The following LRR1 variants were observed in gnomAD, a reference collection of about 807,000 sequenced individuals.
LRR1 encodes the protein leucine rich repeat protein 1, also known as leucine-rich repeat protein 1.
Under a neutral mutation model 31.6 loss-of-function variants are expected in LRR1, and 29 were observed. That is an observed-to-expected ratio of 0.92 (90% confidence interval 0.68 to 1.25). LRR1 has a LOEUF of 1.25. LRR1 is among the 50% of genes most tolerant of loss of function. The pLI is 0.00. For missense variants in LRR1, 485 were observed against 487.2 expected (o/e 1.00, Z 0.04); for synonymous variants, 179 against 181.4 (o/e 0.99, Z 0.10).
intron 2 of LRR1, chr14:49,603,532 T>TCA: frequency 4.3e-6 from 1 of 232,840 alleles, no homozygotes; most frequent in South Asian, 6.1e-5. Context: ...TCTTTTTTTT[T>TCA]TTTTTTTTTT....
intron 3 of LRR1, among the ~76,000 whole-genome samples, chr14:49,610,630 T>G (rs1269529628): frequency 6.7e-6 from 1 of 149,568 alleles, no homozygotes; most frequent in Non-Finnish European, 1.5e-5. Flanking sequence ...TGGCGTGATC[T>G]CAGCTCACTG....
rs774342739 is a variant in LRR1, at chr14:49,614,580, G to A, written c.*84G>A. The A allele has an allele frequency of 1.5e-5, 23 of 1,541,568 alleles. No individual in the cohort carries two copies. In the African/African-American group the frequency reaches 2.3e-4, roughly 16 times the overall value. Reference sequence around the variant, plus strand: ...TTTGCAGCGTCAAATTGGAGTAAGGGAAGATTTCTGTATACTTGCTGGAGA... The same window carrying A: ...TTTGCAGCGTCAAATTGGAGTAAGGAAAGATTTCTGTATACTTGCTGGAGA... On this transcript the variant is annotated 3_prime_UTR_variant, in exon 4 of 4. Transcript: ENST00000298288.
intron 1 of LRR1, 89 bp downstream of exon 1, chr14:49,599,292 T>C (rs1594582009): frequency 7.1e-7 from 1 of 1,418,024 alleles, no homozygotes; most frequent in Non-Finnish European, 9.3e-7. Context: ...TCCCGGCTGC[T>C]CCCTAGGCGA....
In LRR1 at chr14:49,602,565, G is replaced by A. The variant is rs1882104682; in HGVS notation, c.282+97G>A. 4 of 934,062 alleles carry A rather than the reference G, an allele frequency of 4.3e-6. 1 individual carries two copies. The South Asian group carries it at 5.9e-5, about 14-fold the overall frequency. The allele number at this position is 934,062 out of a possible 1,614,324, so 57.9% of individuals were successfully genotyped here. ...TCTGTCACCCAAGCTGAAGTACAGAGGCATAGTCATAGCTCACTGCATCAA... is the reference window on the plus strand; with the variant it reads ...TCTGTCACCCAAGCTGAAGTACAGAAGCATAGTCATAGCTCACTGCATCAA... On this transcript the variant is annotated intron_variant, in intron 2 of 3. Coordinates refer to ENST00000298288, the MANE Select transcript of LRR1 (RefSeq NM_152329.4).
intron 3 of LRR1, 64 bp from the exon 4 acceptor site, chr14:49,614,192 C>T: frequency 6.7e-7 from 1 of 1,488,212 alleles, no homozygotes; most frequent in Non-Finnish European, 9.0e-7. Context: ...ATTCCATGTC[C>T]TAATAATTCA....
chr14:49,611,901 G>C (rs1445749588), intron 3 of LRR1, among the ~76,000 whole-genome samples: 1 of 150,176 alleles, frequency 6.7e-6, no homozygotes, highest in South Asian at 2.1e-4. Flanking sequence ...TACAGCCTGG[G>C]CTGCAGAGTG....
At chr14:49,605,720 C>G (rs1052483939) in intron 2 of LRR1, among the ~76,000 whole-genome samples, 3 of 152,228 alleles carry the variant, frequency 2.0e-5, no homozygotes, top group Non-Finnish European at 4.4e-5. Flanking sequence ...TTTCAGTCCT[C>G]TGCTGTTTTC....
chr14:49,602,369 G>A lies in LRR1; in HGVS notation c.184-1G>A. Reference sequence around the variant, plus strand: ...CTTTTTTTTCTATTGGTTTTATGCAGCTAAGGGAGAACATTGAGCAATTCT... The same window carrying A: ...CTTTTTTTTCTATTGGTTTTATGCAACTAAGGGAGAACATTGAGCAATTCT... On this transcript the variant is annotated splice_acceptor_variant, in intron 1 of 3. Coordinates refer to ENST00000298288, the MANE Select transcript of LRR1 (RefSeq NM_152329.4). LOFTEE classifies it high-confidence loss of function. The A allele has an allele frequency of 6.2e-7, 1 of 1,612,048 alleles. No homozygotes were observed.
At position 49,607,683 on chromosome 14, in the gene LRR1, TA is replaced by T. The variant is rs769401638; in HGVS notation, c.572del (p.Lys191SerfsTer17). 1 of 1,610,628 alleles carries T rather than the reference TA, an allele frequency of 6.2e-7. No individual in the cohort carries two copies. Among genetic ancestry groups the T allele is most frequent in the South Asian group, 1.1e-5 (1 of 90,710 alleles). On this transcript the variant is annotated frameshift_variant, in exon 3 of 4. Coordinates refer to ENST00000298288, the MANE Select transcript of LRR1 (RefSeq NM_152329.4). LOFTEE classifies it high-confidence loss of function. ...LRKLDLSHNH[I>X]KKLPATIGDL... ...AAATTAGACTTGAGTCACAACCATA[TA>T]AAAAAGCTTCCAGCTACAATTGGAG...
intron 3 of LRR1, among the ~76,000 whole-genome samples, chr14:49,611,464 A>C (rs1882509060): frequency 6.6e-6 from 1 of 152,160 alleles, no homozygotes; most frequent in South Asian, 2.1e-4. Flanking sequence ...GTGCAGATTG[A>C]GACTCCGTCT....
intron 3 of LRR1, among the ~76,000 whole-genome samples, chr14:49,608,749 T>A (rs953298942): frequency 2.0e-5 from 3 of 151,912 alleles, no homozygotes; most frequent in African/African-American, 7.3e-5. Flanking sequence ...AATCAGAAAC[T>A]GAGAGTGGGG....
At chr14:49,606,613 A>G (rs1425116222) in intron 2 of LRR1, among the ~76,000 whole-genome samples, 4 of 149,882 alleles carry the variant, frequency 2.7e-5, no homozygotes, top group Admixed American at 6.7e-5. Flanking sequence ...TTATGGGATT[A>G]TAGGCGTGAG....
Position 49,607,842 on chromosome 14 carries a change from C to G in LRR1, c.725C>G (p.Pro242Arg). 1 of 1,614,066 alleles carries G rather than the reference C, an allele frequency of 6.2e-7. No homozygotes were observed. The highest frequency in any genetic ancestry group is 8.5e-7 in the Non-Finnish European group (1 of 1,179,962). The change falls in exon 3 of 4, where the codon CCT becomes CGT. Residue 242 changes from proline to arginine, a missense_variant. This residue lies in a region of LRR1 where 210 missense variants were observed against 200.4 expected (regional missense o/e 1.05). Transcript: ENST00000298288. ...DLSKNKIKAL[P>R]VQFCQLQELK... ...AGCAAGAACAAAATCAAGGCACTCC[C>G]TGTGCAGTTTTGCCAGCTCCAGGAA...
Position 49,610,369 on chromosome 14 carries a change from T to G in LRR1, c.1004+2248T>G, listed in dbSNP as rs376894821. ...CCTGGGTTCAAGTGATTCTCCTGCC[T>G]CAGCCTCCCAAGTAGCTGGGATTAC... is the stretch of plus-strand genomic sequence containing the variant. On this transcript the variant is annotated intron_variant, in intron 3 of 3. Transcript: ENST00000298288. 1.1e-3 allele frequency among the ~76,000 whole-genome samples: 160 copies of G among 152,024 alleles called. 1 individual carries two copies. The highest frequency in any genetic ancestry group is 3.7e-3 in the African/African-American group (153 of 41,462).
At chr14:49,609,550 A>AC (rs910093402) in intron 3 of LRR1, among the ~76,000 whole-genome samples, 2 of 144,740 alleles carry the variant, frequency 1.4e-5, no homozygotes, top group African/African-American at 5.1e-5. Flanking sequence ...AACTGCAGGC[A>AC]CCCGCCACCA....
intron 3 of LRR1, among the ~76,000 whole-genome samples, chr14:49,608,587 T>G (rs892168898): frequency 4.0e-5 from 6 of 151,872 alleles, no homozygotes; most frequent in African/African-American, 1.4e-4. Flanking sequence ...ATCTAAACCA[T>G]GTATACCCTG....
Position 49,599,052 on chromosome 14 carries a change from G to C in LRR1, c.32G>C (p.Ser11Thr), listed in dbSNP as rs893691600. Residue 11 changes from serine (S) to threonine (T), a missense_variant, in exon 1 of 4, where the codon AGC becomes ACC. Coordinates refer to ENST00000298288, the MANE Select transcript of LRR1 (RefSeq NM_152329.4). MKLHCEVEVISRHLPALGLRN... is the reference protein window; with the variant it reads MKLHCEVEVITRHLPALGLRN... ...CTACACTGTGAGGTGGAGGTGATCA[G>C]CCGGCACTTGCCCGCCTTGGGGCTT... 23 of 1,609,452 alleles carry C rather than the reference G, an allele frequency of 1.4e-5. No homozygotes were observed. The highest frequency in any genetic ancestry group is 2.0e-5 in the Non-Finnish European group (23 of 1,178,058).
chr14:49,611,110 A>G (rs756185551), intron 3 of LRR1, among the ~76,000 whole-genome samples: 3 of 152,150 alleles, frequency 2.0e-5, no homozygotes, highest in South Asian at 2.1e-4. Flanking sequence ...GCCATCCCCA[A>G]TGTAAGAACT....
At chr14:49,604,139 C>CA (rs770594061) in intron 2 of LRR1, among the ~76,000 whole-genome samples, 3,961 of 119,326 alleles carry the variant, frequency 0.033, 72 homozygotes, top group Middle Eastern at 0.047. Context: ...CCTGTCTCCA[C>CA]AAAAAAAAAA....
Sources: allele counts gnomAD v4.1 joint callset (sites outside exome capture counted in the v4.1 genomes callset), GRCh38; gene constraint gnomAD v4.1.1; regional missense constraint gnomAD v4.1.1; transcripts MANE v1.5; gene names NCBI Gene and HGNC (gene_info 2026-07-23, HGNC 2026-07-21).